PTPRM: variants seen among roughly 807,000 people sequenced by gnomAD.
PTPRM encodes receptor-type tyrosine-protein phosphatase mu.
Under a neutral mutation model 186.7 loss-of-function variants are expected in PTPRM, and 47 were observed. The observed-to-expected ratio is 0.25, with a 90% CI of 0.20 to 0.32. The LOEUF (loss-of-function observed/expected upper bound fraction) is 0.32. Among genes scored for constraint, PTPRM ranks in the 10% least tolerant of loss-of-function variants. The probability of loss-of-function intolerance (pLI) is 1.00; values close to 1 mark genes in which losing one functional copy is unlikely to be tolerated. For missense variants in PTPRM, 1,494 were observed against 1,865.0 expected, an observed-to-expected ratio of 0.80 and a Z score of 3.66; for synonymous variants, 668 against 674.9, an observed-to-expected ratio of 0.99 and a Z score of 0.16.
intron 3 of PTPRM, among the ~76,000 whole-genome samples, chr18:7,898,980 G>A (rs957233768): frequency 4.6e-5 from 7 of 152,298 alleles, no homozygotes; most frequent in Middle Eastern, 3.4e-3. Context: ...ACCGGATGCC[G>A]TATGTAATTT....
intron 1 of PTPRM, among the ~76,000 whole-genome samples, chr18:7,748,747 C>A (rs1267719352): frequency 6.6e-6 from 1 of 152,078 alleles, no homozygotes; most frequent in African/African-American, 2.4e-5. Flanking sequence ...TCTTTTATCT[C>A]CCCCCAAATC....
intron 1 of PTPRM, among the ~76,000 whole-genome samples, chr18:7,745,213 G>A (rs768525108): frequency 7.2e-5 from 11 of 152,142 alleles, no homozygotes; most frequent in Non-Finnish European, 1.0e-4. Flanking sequence ...ATGGCAATAC[G>A]TCTAACCCTT....
intron 3 of PTPRM, among the ~76,000 whole-genome samples, chr18:7,904,868 AG>A (rs572936351): frequency 1.3e-3 from 198 of 152,320 alleles, no homozygotes; most frequent in African/African-American, 4.4e-3. Flanking sequence ...GTGTAAATGG[AG>A]GTCAAAATAA....
Position 7,921,447 on chromosome 18 carries a change from C to T in PTPRM, c.548-5121C>T, listed in dbSNP as rs574610745. Among the ~76,000 whole-genome samples the T allele has an allele frequency of 4.6e-5, 7 of 151,256 alleles. No homozygotes were observed. In the South Asian group the frequency reaches 1.5e-3, roughly 32 times the overall value. On this transcript the variant is annotated intron_variant, in intron 4 of 32. Coordinates refer to ENST00000580170, the MANE Select transcript of PTPRM (RefSeq NM_001105244.2). The stretch of plus-strand genomic sequence containing the variant: ...CCAGGCTGGAGTGCAGTGGCGCAAC[C>T]TTGGCTCACTGCAAGCTTTGCCTCC...
chr18:8,392,609 A>G (rs1301887179), intron 31 of PTPRM, among the ~76,000 whole-genome samples: 1 of 152,008 alleles, frequency 6.6e-6, no homozygotes, highest in Non-Finnish European at 1.5e-5. Flanking sequence ...CCTGGGTGAC[A>G]GAGTGAGACT....
At chr18:8,163,601 T>A (rs1489372274) in intron 14 of PTPRM, among the ~76,000 whole-genome samples, 1 of 152,210 alleles carries the variant, frequency 6.6e-6, no homozygotes, top group African/African-American at 2.4e-5. Flanking sequence ...ACTTTTATGA[T>A]CAACACTGAT....
At chr18:8,293,292 T>G (rs1259986195) in intron 19 of PTPRM, among the ~76,000 whole-genome samples, 1 of 152,228 alleles carries the variant, frequency 6.6e-6, no homozygotes, top group Non-Finnish European at 1.5e-5. Context: ...TATTTTTAAA[T>G]ACAAGGGCTA....
chr18:8,301,184 A>C (rs1294400817), intron 20 of PTPRM, among the ~76,000 whole-genome samples: 1 of 152,244 alleles, frequency 6.6e-6, no homozygotes, highest in Non-Finnish European at 1.5e-5. Context: ...TGTAATGATC[A>C]CATTCATTGT....
At chr18:8,397,059 C>T (rs2095848502) in intron 32 of PTPRM, among the ~76,000 whole-genome samples, 1 of 152,234 alleles carries the variant, frequency 6.6e-6, no homozygotes, top group African/African-American at 2.4e-5. Flanking sequence ...AATGTTGTGC[C>T]AGCAGCTGAA....
At chr18:8,186,325 C>CAA (rs5822996) in intron 14 of PTPRM, among the ~76,000 whole-genome samples, 11 of 94,770 alleles carry the variant, frequency 1.2e-4, no homozygotes, top group African/African-American at 2.6e-4. Flanking sequence ...TACTCCATCT[C>CAA]AAAAAAAAAA....
At chr18:7,754,750 G>C (rs2041390732) in intron 1 of PTPRM, 1 of 152,246 alleles carries the variant, frequency 6.6e-6, no homozygotes, top group Non-Finnish European at 1.5e-5. Context: ...AGGCACATGG[G>C]AGGCAGATCT....
intron 4 of PTPRM, among the ~76,000 whole-genome samples, chr18:7,912,396 A>G (rs1423067619): frequency 2.0e-5 from 3 of 152,232 alleles, no homozygotes; most frequent in African/African-American, 4.8e-5. Flanking sequence ...CTATTCTGCT[A>G]CAAGTATGAT....
intron 14 of PTPRM, among the ~76,000 whole-genome samples, chr18:8,171,708 A>G (rs1000345292): frequency 2.0e-5 from 3 of 152,268 alleles, no homozygotes; most frequent in Admixed American, 1.3e-4. Flanking sequence ...CTTGTTGTCC[A>G]GTGGTAATCC....
chr18:7,603,704 C>T (rs776319869), intron 1 of PTPRM, among the ~76,000 whole-genome samples: 1 of 152,226 alleles, frequency 6.6e-6, no homozygotes, highest in Non-Finnish European at 1.5e-5. Flanking sequence ...GGCAAACCTC[C>T]TGCTCTCCTG....
chr18:8,063,884 C>G (rs2088833271), intron 7 of PTPRM, among the ~76,000 whole-genome samples: 1 of 152,186 alleles, frequency 6.6e-6, no homozygotes, highest in Admixed American at 6.5e-5. Flanking sequence ...AAACCAAGAA[C>G]TAAGCAAAGC....
At chr18:7,671,865 T>C (rs1391767606) in intron 1 of PTPRM, among the ~76,000 whole-genome samples, 1 of 152,200 alleles carries the variant, frequency 6.6e-6, no homozygotes, top group African/African-American at 2.4e-5. Flanking sequence ...AGTCTAAAAA[T>C]GTACAAGTGG....
At chr18:8,143,232 C>T (rs1008937562) in intron 13 of PTPRM, among the ~76,000 whole-genome samples, 3 of 152,092 alleles carry the variant, frequency 2.0e-5, no homozygotes, top group Non-Finnish European at 4.4e-5. Flanking sequence ...ATTACTGCTT[C>T]GTTTATGAAA....
chr18:7,870,957 C>T (rs1018517479), intron 2 of PTPRM, among the ~76,000 whole-genome samples: 14 of 152,158 alleles, frequency 9.2e-5, no homozygotes, highest in Non-Finnish European at 2.1e-4. Context: ...TGTTTGTGTG[C>T]AAAGTGGGAG....
Position 7,916,367 on chromosome 18 carries a change from G to A in PTPRM, c.547+9784G>A, listed in dbSNP as rs564345382. On this transcript the variant is annotated intron_variant, in intron 4 of 32. Coordinates refer to ENST00000580170, the MANE Select transcript of PTPRM (RefSeq NM_001105244.2). ...ACATTATTTTTTTAACTCTTATAAC[G>A]TTTGCTGATAGAGTGTATGCATTTT... is the stretch of plus-strand genomic sequence containing the variant. 2.8e-4 allele frequency among the ~76,000 whole-genome samples: 43 copies of A among 152,244 alleles called. No homozygotes were observed. In the East Asian group the frequency reaches 5.2e-3, roughly 18 times the overall value.
Sources: allele counts gnomAD v4.1 joint callset (sites outside exome capture counted in the v4.1 genomes callset), GRCh38; gene constraint gnomAD v4.1.1; transcripts MANE v1.5; gene names NCBI Gene and HGNC (gene_info 2026-07-23, HGNC 2026-07-21).